The following DAAM2 variants were observed in gnomAD, a reference collection of about 807,000 sequenced individuals.
DAAM2 encodes the protein disheveled-associated activator of morphogenesis 2.
In DAAM2, 39 loss-of-function variants were observed where a neutral mutation model predicts 120.7. The ratio of observed to expected loss-of-function variants is 0.32; its 90% CI spans 0.25 to 0.42. The LOEUF (loss-of-function observed/expected upper bound fraction) is 0.42, where lower values mean the gene tolerates loss of function less well. DAAM2 is among the 10% of genes least tolerant of loss of function. The pLI, the probability that DAAM2 is intolerant of heterozygous loss-of-function variation, is 1.00. For missense variants in DAAM2, 1,283 were observed against 1,401.7 expected (o/e 0.92, Z 1.35); for synonymous variants, 488 against 524.9 (o/e 0.93, Z 0.96).
chr6:39,839,290 G>T (rs1763232578), intron 1 of DAAM2, among the ~76,000 whole-genome samples: 1 of 152,200 alleles, frequency 6.6e-6, no homozygotes, highest in African/African-American at 2.4e-5. Context: ...ATCTCCTGGG[G>T]AACTTGTTAA....
chr6:39,804,543 TG>T (rs2114022195), intron 1 of DAAM2, among the ~76,000 whole-genome samples: 1 of 152,174 alleles, frequency 6.6e-6, no homozygotes, highest in African/African-American at 2.4e-5. Context: ...TGTGTGTGTG[TG>T]TGTGTGTGTA....
intron 7 of DAAM2, among the ~76,000 whole-genome samples, chr6:39,869,153 C>A (rs929759527): frequency 6.6e-6 from 1 of 151,742 alleles, no homozygotes; most frequent in Non-Finnish European, 1.5e-5. Context: ...GGGAGGAGGG[C>A]GAGTTTGGGC....
intron 9 of DAAM2, among the ~76,000 whole-genome samples, chr6:39,872,206 ATGCCAG>A (rs764306951): frequency 3.9e-5 from 6 of 152,132 alleles, no homozygotes; most frequent in Non-Finnish European, 7.4e-5. Context: ...TCTGATTCAA[ATGCCAG>A]TCTCTTTGGG....
chr6:39,898,912 G>A lies in DAAM2; in HGVS notation c.2654G>A (p.Arg885Lys), dbSNP rs1766296229. 1.2e-6 allele frequency: 2 copies of A among 1,612,610 alleles called. No homozygotes were observed. The highest frequency in any genetic ancestry group is 1.7e-6 in the Non-Finnish European group (2 of 1,179,496). ...CTGGAGAAGGAGGTGGGCAACCTCA[G>A]GAGGGGCCTGAGAGCGGTGGAGGTG... ...AELEKEVGNL[R>K]RGLRAVEVEL... The change falls in exon 22 of 25, where the codon AGG becomes AAG. Residue 885 changes from arginine to lysine, a missense_variant. Coordinates refer to ENST00000274867, the MANE Select transcript of DAAM2 (RefSeq NM_001201427.2).
At chr6:39,890,320 A>C (rs1232208444) in intron 17 of DAAM2, among the ~76,000 whole-genome samples, 1 of 152,186 alleles carries the variant, frequency 6.6e-6, no homozygotes, top group Non-Finnish European at 1.5e-5. Context: ...TGTGTTACTC[A>C]GGGGCCAACT....
intron 1 of DAAM2, among the ~76,000 whole-genome samples, chr6:39,831,938 G>A (rs1347726871): frequency 9.8e-6 from 1 of 101,542 alleles, no homozygotes; most frequent in African/African-American, 4.3e-5. Context: ...CAGTGCGAGG[G>A]CCGGGGCACT....
At chr6:39,860,876 TA>T in intron 2 of DAAM2, 51 bp from the exon 3 acceptor site, 1 of 1,437,346 alleles carries the variant, frequency 7.0e-7, no homozygotes, top group Non-Finnish European at 9.7e-7. Context: ...CTGACTATTC[TA>T]ATCTCAACCA....
chr6:39,867,577 C>G lies in DAAM2; in HGVS notation c.496C>G (p.His166Asp), dbSNP rs763792634. Residue 166 changes from histidine to aspartate, a missense_variant, in exon 6 of 25, where the codon CAC becomes GAC. By Grantham distance (81) the His-to-Asp change is moderately conservative. Around this residue, in one of 3 missense-constraint regions of DAAM2, gnomAD observed 338 missense variants for 443.9 expected, o/e 0.76. Transcript: ENST00000274867. ...CLLNFLRSMD[H>D]ATCESRIHTS... The stretch of plus-strand genomic sequence containing the variant: ...GCTAAATTTCCTCCGGAGCATGGAC[C>G]ACGCCACCTGTGAGAGCCGCATCCA... 8 of 1,614,018 alleles carry G rather than the reference C, an allele frequency of 5.0e-6. No homozygotes were observed. Among genetic ancestry groups the G allele is most frequent in the Non-Finnish European group, 6.8e-6 (8 of 1,179,888 alleles).
chr6:39,900,332 C>A (rs1243222770), intron 23 of DAAM2, 124 bp downstream of exon 23: 7 of 1,158,152 alleles, frequency 6.0e-6, no homozygotes, highest in African/African-American at 1.6e-5. Flanking sequence ...TGAGAGAAAA[C>A]CGTTTCTTCG....
At chr6:39,834,184 G>T (rs570955019) in intron 1 of DAAM2, among the ~76,000 whole-genome samples, 1 of 152,204 alleles carries the variant, frequency 6.6e-6, no homozygotes, top group African/African-American at 2.4e-5. Context: ...ATGGGTTTCA[G>T]TTGGCTCCAC....
intron 1 of DAAM2, among the ~76,000 whole-genome samples, chr6:39,846,516 G>A (rs1034024368): frequency 1.3e-5 from 2 of 152,102 alleles, no homozygotes; most frequent in African/African-American, 4.8e-5. Context: ...TTGGACTTCT[G>A]TTCTTGATCT....
intron 1 of DAAM2, among the ~76,000 whole-genome samples, chr6:39,826,426 C>T (rs1762674827): frequency 6.6e-6 from 1 of 152,090 alleles, no homozygotes; most frequent in South Asian, 2.1e-4. Context: ...CCTGTGGTGT[C>T]CTAAAGCTGG....
chr6:39,826,871 C>G (rs541091754), intron 1 of DAAM2, among the ~76,000 whole-genome samples: 7 of 152,176 alleles, frequency 4.6e-5, no homozygotes, highest in African/African-American at 1.7e-4. Context: ...TTCTAAGTAC[C>G]CTTCAAGCTT....
intron 1 of DAAM2, among the ~76,000 whole-genome samples, chr6:39,802,472 A>G (rs1168273472): frequency 1.3e-5 from 2 of 152,328 alleles, no homozygotes; most frequent in East Asian, 3.9e-4. Flanking sequence ...AAAGTCCTTG[A>G]AATCATGTCT....
intron 1 of DAAM2, among the ~76,000 whole-genome samples, chr6:39,845,519 A>G (rs375060268): frequency 0.017 from 2,485 of 149,878 alleles, 66 homozygotes; most frequent in African/African-American, 0.056. Flanking sequence ...CACATACCAC[A>G]CATATGCTAC....
intron 2 of DAAM2, among the ~76,000 whole-genome samples, chr6:39,860,141 G>T (rs1466082692): frequency 6.6e-6 from 1 of 152,186 alleles, no homozygotes; most frequent in Non-Finnish European, 1.5e-5. Context: ...GTCTAGCACA[G>T]CAAAACCTTC....
At chr6:39,848,899 A>G (rs1463372655) in intron 1 of DAAM2, 4 of 152,212 alleles carry the variant, frequency 2.6e-5, no homozygotes, top group Non-Finnish European at 5.9e-5. Flanking sequence ...TCGTCTGTAA[A>G]AAGAGAAGAT....
chr6:39,877,535 G>A (rs1764921320), intron 11 of DAAM2, among the ~76,000 whole-genome samples: 1 of 152,218 alleles, frequency 6.6e-6, no homozygotes, highest in Non-Finnish European at 1.5e-5. Context: ...TGTCCTTGAT[G>A]TGGCTGAAGA....
intron 1 of DAAM2, among the ~76,000 whole-genome samples, chr6:39,808,466 A>T (rs989652239): frequency 1.6e-4 from 24 of 152,134 alleles, no homozygotes; most frequent in Non-Finnish European, 3.2e-4. Flanking sequence ...TCTGATTTTC[A>T]TTCATATACA....
Sources: gnomAD v4.1 joint callset for allele counts (sites outside exome capture counted in the v4.1 genomes callset) on GRCh38, gnomAD v4.1.1 for gene constraint, gnomAD v4.1.1 regional missense constraint, MANE v1.5 for transcripts, NCBI Gene and HGNC (gene_info 2026-07-23, HGNC 2026-07-21) for gene names.